The following LANCL2 variants were observed in gnomAD, a reference collection of about 807,000 sequenced individuals.
The protein encoded by LANCL2 is lanC-like protein 2.
LANCL2 carries 33 observed loss-of-function variants against 56.9 expected under a neutral mutation model. That is an observed-to-expected ratio of 0.58 (90% CI 0.44 to 0.78). The LOEUF (loss-of-function observed/expected upper bound fraction) is 0.78, where lower values mean the gene tolerates loss of function less well. Among genes scored for constraint, LANCL2 ranks in the 30% least tolerant of loss-of-function variants. The pLI is 0.00. For synonymous variants in LANCL2, 233 were observed against 228.2 expected, an observed-to-expected ratio of 1.02 and a Z score of -0.19; for missense variants, 562 against 580.2, an observed-to-expected ratio of 0.97 and a Z score of 0.32.
intron 6 of LANCL2, among the ~76,000 whole-genome samples, chr7:55,416,969 GTTT>G (rs869116156): frequency 6.1e-5 from 5 of 81,646 alleles, no homozygotes; most frequent in Non-Finnish European, 9.5e-5. Context: ...AAACGAGGTG[GTTT>G]TTTTTTTTTT....
chr7:55,366,995 G>T (rs761411503), intron 1 of LANCL2, among the ~76,000 whole-genome samples: 1 of 152,178 alleles, frequency 6.6e-6, no homozygotes, highest in African/African-American at 2.4e-5. Context: ...TTTGTTCCTG[G>T]TGTAGGGAGG....
At chr7:55,368,788 A>ATTAG (rs71031835) in intron 1 of LANCL2, among the ~76,000 whole-genome samples, 53,212 of 151,786 alleles carry the variant, frequency 0.35, 9,741 homozygotes, top group African/African-American at 0.42. Context: ...GGCAGATGTA[A>ATTAG]TTAAGATGAT....
intron 5 of LANCL2, among the ~76,000 whole-genome samples, chr7:55,402,532 G>T (rs1195967554): frequency 7.1e-6 from 1 of 140,032 alleles, no homozygotes; most frequent in Non-Finnish European, 1.6e-5. Context: ...TCCCGGATGG[G>T]GCGGCTTGCC....
At chr7:55,380,609 C>G (rs1428548055) in intron 1 of LANCL2, among the ~76,000 whole-genome samples, 1 of 151,890 alleles carries the variant, frequency 6.6e-6, no homozygotes. Context: ...CAGATTCTAT[C>G]GAATATGTTA....
chr7:55,400,577 C>G (rs566713420), intron 4 of LANCL2, among the ~76,000 whole-genome samples: 123 of 152,330 alleles, frequency 8.1e-4, no homozygotes, highest in African/African-American at 2.9e-3. Flanking sequence ...TTTACTTCTG[C>G]TCCCATCCCA....
chr7:55,383,004 C>T (rs1477028736), intron 1 of LANCL2, among the ~76,000 whole-genome samples: 1 of 152,216 alleles, frequency 6.6e-6, no homozygotes. Context: ...CGCCTGTAAT[C>T]CCAGCACTTT....
chr7:55,412,785 A>G (rs559427949), intron 6 of LANCL2, among the ~76,000 whole-genome samples: 4 of 152,202 alleles, frequency 2.6e-5, no homozygotes, highest in Non-Finnish European at 5.9e-5. Flanking sequence ...TGTTGCTCAT[A>G]CATCAGAGTA....
chr7:55,421,270 C>T (rs1233269602), intron 6 of LANCL2, among the ~76,000 whole-genome samples: 3 of 130,250 alleles, frequency 2.3e-5, no homozygotes, highest in Non-Finnish European at 3.3e-5. Context: ...TCTTTCCTGC[C>T]TTTTTTTTTT....
At chr7:55,415,000 AAG>A (rs562023115) in intron 6 of LANCL2, among the ~76,000 whole-genome samples, 24,514 of 119,406 alleles carry the variant, frequency 0.21, 2,931 homozygotes, top group Non-Finnish European at 0.27. Flanking sequence ...AAAAAAAAAA[AAG>A]AAAAGAAAAG....
intron 6 of LANCL2, among the ~76,000 whole-genome samples, chr7:55,422,338 A>C (rs953764196): frequency 6.6e-6 from 1 of 152,168 alleles, no homozygotes; most frequent in Admixed American, 6.5e-5. Flanking sequence ...CTTTAAAGGC[A>C]GTGTTCCGTC....
At chr7:55,405,709 C>T (rs1341341929) in intron 5 of LANCL2, among the ~76,000 whole-genome samples, 2 of 151,880 alleles carry the variant, frequency 1.3e-5, no homozygotes, top group Non-Finnish European at 2.9e-5. Flanking sequence ...ATGTAAGAAC[C>T]ATGCCAGTGT....
Position 55,412,033 on chromosome 7 carries a change from G to C in LANCL2, c.952G>C (p.Val318Leu). 2 of 1,614,208 alleles carry C rather than the reference G, an allele frequency of 1.2e-6. No individual in the cohort carries two copies. The highest frequency in any genetic ancestry group is 1.7e-6 in the Non-Finnish European group (2 of 1,180,026). ...ATTAAGCAATGAAACAGACCGGCTGGTGCACTGGTGCCACGGCGCCCCGGG... is the reference window on the plus strand; with the variant it reads ...ATTAAGCAATGAAACAGACCGGCTGCTGCACTGGTGCCACGGCGCCCCGGG... ...SSLSNETDRL[V>L]HWCHGAPGVI... Residue 318 changes from valine to leucine, a missense_variant, in exon 6 of 9, where the codon GTG becomes CTG. Coordinates refer to ENST00000254770, the MANE Select transcript of LANCL2 (RefSeq NM_018697.4).
intron 5 of LANCL2, among the ~76,000 whole-genome samples, chr7:55,407,900 G>A (rs986834703): frequency 2.6e-5 from 4 of 152,182 alleles, no homozygotes; most frequent in Non-Finnish European, 5.9e-5. Flanking sequence ...CCACCGTTCC[G>A]CAGCCCCTCC....
At chr7:55,393,544 ACAAG>A (rs970398798) in intron 2 of LANCL2, among the ~76,000 whole-genome samples, 23 of 139,248 alleles carry the variant, frequency 1.7e-4, no homozygotes, top group Non-Finnish European at 3.5e-4. Context: ...AAAGAAAAAA[ACAAG>A]CAAACCAAAA....
At position 55,431,537 on chromosome 7, in the gene LANCL2, G is replaced by A. The variant is rs2128997159; in HGVS notation, c.*217G>A. The A allele has an allele frequency of 6.1e-6, 3 of 495,008 alleles. No individual in the cohort carries two copies. The highest frequency in any genetic ancestry group is 1.1e-5 in the Non-Finnish European group (3 of 280,836). 30.7% of individuals were successfully genotyped at this position (495,008 alleles called of 1,614,324 possible). ...TGACTTCTTCACATACAGATTCTCT[G>A]TAGTGTTTGCATGTTTCTTGGTGTT... On this transcript the variant is annotated 3_prime_UTR_variant, in exon 9 of 9. Coordinates refer to ENST00000254770, the MANE Select transcript of LANCL2 (RefSeq NM_018697.4).
intron 5 of LANCL2, among the ~76,000 whole-genome samples, chr7:55,406,420 G>A (rs1270384693): frequency 1.3e-5 from 2 of 152,182 alleles, no homozygotes; most frequent in Non-Finnish European, 2.9e-5. Flanking sequence ...CGCTGGCAGT[G>A]CAGAGTCGGC....
intron 1 of LANCL2, among the ~76,000 whole-genome samples, 185 bp downstream of exon 1, chr7:55,366,414 A>G (rs1789870873): frequency 6.6e-6 from 1 of 152,358 alleles, no homozygotes; most frequent in Non-Finnish European, 1.5e-5. Context: ...CTTCAGCTGC[A>G]TGAACCACGT....
At chr7:55,402,806 G>A (rs1479935013) in intron 5 of LANCL2, among the ~76,000 whole-genome samples, 2 of 130,804 alleles carry the variant, frequency 1.5e-5, no homozygotes. Flanking sequence ...CTCAGACGGG[G>A]CGGCCGGGCA....
intron 1 of LANCL2, 52 bp from the exon 2 acceptor site, chr7:55,391,741 A>G (rs369702510): frequency 1.0e-5 from 10 of 975,132 alleles, no homozygotes; most frequent in Non-Finnish European, 1.7e-5. Context: ...TATTTATTGC[A>G]ACATTGTCCC....
Sources: gnomAD v4.1 joint callset for allele counts (sites outside exome capture counted in the v4.1 genomes callset) on GRCh38, gnomAD v4.1.1 for gene constraint, MANE v1.5 for transcripts, NCBI Gene and HGNC (gene_info 2026-07-23, HGNC 2026-07-21) for gene names.